Variants in BIRC2 observed in about 807,000 individuals in gnomAD.
The protein encoded by BIRC2 is baculoviral IAP repeat-containing protein 2.
BIRC2 carries 18 observed loss-of-function variants against 60.9 expected under a neutral mutation model. The ratio of observed to expected loss-of-function variants is 0.30; its 90% CI spans 0.20 to 0.44. The LOEUF (loss-of-function observed/expected upper bound fraction) is 0.44, where lower values mean the gene tolerates loss of function less well. BIRC2 is among the 20% of genes least tolerant of loss of function. The pLI is 1.00. For synonymous variants in BIRC2, 282 were observed against 247.7 expected (o/e 1.14, Z -1.30); for missense variants, 701 against 728.5 (o/e 0.96, Z 0.43).
In BIRC2 at chr11:102,351,614, C is replaced by CAAA. The variant is rs768269523; in HGVS notation, c.995+692_995+694dup. ...TGGGTAACAGAGCAAGACTCTGTCT[C>CAAA]AAAAAAAAAAAAAAAAAAAAAAAGA... On this transcript the variant is annotated intron_variant, in intron 3 of 8. Coordinates refer to ENST00000227758, the MANE Select transcript of BIRC2 (RefSeq NM_001166.5). 9.2e-3 allele frequency among the ~76,000 whole-genome samples: 628 copies of CAAA among 68,004 alleles called. 27 individuals are homozygous for CAAA. The highest frequency in any genetic ancestry group is 0.019 in the African/African-American group (313 of 16,390). 44.6% of individuals were successfully genotyped at this position (68,004 alleles called of 152,430 possible).
intron 6 of BIRC2, 60 bp downstream of exon 6, chr11:102,368,608 CAT>C (rs1951580746): frequency 1.3e-6 from 2 of 1,576,004 alleles, no homozygotes; most frequent in Admixed American, 1.8e-5. Context: ...GACTGTCTCA[CAT>C]GTTACAGGAC....
chr11:102,374,730 T>G (rs141412383), intron 6 of BIRC2, among the ~76,000 whole-genome samples: 5,136 of 152,150 alleles, frequency 0.034, 102 homozygotes, highest in Middle Eastern at 0.044. Flanking sequence ...GTTTACCTAA[T>G]CAAGCCTGGG....
At position 102,350,197 on chromosome 11, in the gene BIRC2, A is replaced by C. The variant is rs753163261; in HGVS notation, c.343A>C (p.Asn115His). 1 of 1,614,194 alleles carries C rather than the reference A, an allele frequency of 6.2e-7. No homozygotes were observed. The highest frequency in any genetic ancestry group is 8.5e-7 in the Non-Finnish European group (1 of 1,180,044). The change falls in exon 2 of 9, where the codon AAT becomes CAT. Residue 115 changes from asparagine to histidine, a missense_variant. Asn to His is a moderately conservative substitution (Grantham distance 68). Transcript: ENST00000227758. The stretch of plus-strand genomic sequence containing the variant: ...ATATCCTAGCTGTAGCTTTATTCAG[A>C]ATCTGGTTTCAGCTAGTCTGGGATC... ...QLYPSCSFIQ[N>H]LVSASLGSTS...
intron 6 of BIRC2, among the ~76,000 whole-genome samples, chr11:102,373,320 C>T (rs1052347903): frequency 2.6e-5 from 4 of 152,122 alleles, no homozygotes; most frequent in African/African-American, 9.7e-5. Context: ...TGTTCCTTTC[C>T]ATGTTTAGTG....
intron 5 of BIRC2, among the ~76,000 whole-genome samples, chr11:102,367,099 AG>A (rs1263425731): frequency 1.3e-5 from 2 of 152,264 alleles, no homozygotes; most frequent in Non-Finnish European, 2.9e-5. Flanking sequence ...CATAAGGGAA[AG>A]AAAACTAAAT....
At chr11:102,367,612 A>G (rs1385669508) in intron 5 of BIRC2, among the ~76,000 whole-genome samples, 1 of 152,174 alleles carries the variant, frequency 6.6e-6, no homozygotes, top group Non-Finnish European at 1.5e-5. Flanking sequence ...ATTGACTCTT[A>G]GCAGAAAATG....
intron 6 of BIRC2, among the ~76,000 whole-genome samples, chr11:102,372,589 A>G (rs1468320197): frequency 4.0e-5 from 6 of 148,332 alleles, no homozygotes; most frequent in South Asian, 2.2e-4. Context: ...ACTTCCAACT[A>G]TGTGGTCAAT....
rs964009461 is a variant in BIRC2, at chr11:102,349,677, G to T, written c.-178G>T. 37 of 635,134 alleles carry T rather than the reference G, an allele frequency of 5.8e-5. No individual in the cohort carries two copies. In the African/African-American group the frequency reaches 6.4e-4, roughly 11 times the overall value. The allele number at this position is 635,134 out of a possible 1,614,324, so 39.3% of individuals were successfully genotyped here. ...GAGTTGTGTTCTAAGTAGTATCTTGGTAATTCAGAGAGATACTCATCCTAC... is the reference window on the plus strand; with the variant it reads ...GAGTTGTGTTCTAAGTAGTATCTTGTTAATTCAGAGAGATACTCATCCTAC... On this transcript the variant is annotated 5_prime_UTR_variant, in exon 2 of 9. Coordinates refer to ENST00000227758, the MANE Select transcript of BIRC2 (RefSeq NM_001166.5).
chr11:102,375,767 C>G (rs558269908), intron 6 of BIRC2, among the ~76,000 whole-genome samples: 1 of 144,054 alleles, frequency 6.9e-6, no homozygotes, highest in African/African-American at 2.6e-5. Flanking sequence ...GTGACAGAGC[C>G]AGACTCCATC....
chr11:102,369,661 G>A (rs1232338210), intron 6 of BIRC2, among the ~76,000 whole-genome samples: 1 of 146,544 alleles, frequency 6.8e-6, no homozygotes, highest in Non-Finnish European at 1.5e-5. Context: ...ATGATTTATA[G>A]TCATTTGGGT....
At chr11:102,369,511 T>C (rs1951598911) in intron 6 of BIRC2, among the ~76,000 whole-genome samples, 1 of 150,592 alleles carries the variant, frequency 6.6e-6, no homozygotes, top group East Asian at 1.9e-4. Context: ...TTTTTATGGC[T>C]GCATAGTATT....
intron 6 of BIRC2, among the ~76,000 whole-genome samples, chr11:102,369,482 A>G (rs1349960959): frequency 6.6e-6 from 1 of 151,432 alleles, no homozygotes; most frequent in East Asian, 1.9e-4. Flanking sequence ...TGTCCCTACA[A>G]AGGACACGAA....
intron 3 of BIRC2, among the ~76,000 whole-genome samples, chr11:102,352,662 C>A (rs1951377275): frequency 6.6e-6 from 1 of 152,010 alleles, no homozygotes; most frequent in Admixed American, 6.6e-5. Flanking sequence ...AACTCCTGAG[C>A]TCAAGTGATC....
chr11:102,370,390 C>G (rs1405889692), intron 6 of BIRC2, among the ~76,000 whole-genome samples: 1 of 122,026 alleles, frequency 8.2e-6, no homozygotes, highest in East Asian at 2.5e-4. Context: ...ATATGGCTAG[C>G]CAGTTTTCCC....
At chr11:102,370,117 C>T (rs1390372860) in intron 6 of BIRC2, among the ~76,000 whole-genome samples, 7 of 149,854 alleles carry the variant, frequency 4.7e-5, no homozygotes, top group Admixed American at 4.6e-4. Context: ...TTGTAGGTTG[C>T]CTGTTCACTC....
At chr11:102,375,882 A>G (rs1198701350) in intron 6 of BIRC2, among the ~76,000 whole-genome samples, 1 of 151,998 alleles carries the variant, frequency 6.6e-6, no homozygotes, top group Non-Finnish European at 1.5e-5. Context: ...TAATAATAGT[A>G]TGACTCCCAT....
At chr11:102,363,607 G>C in intron 4 of BIRC2, 61 bp from the exon 5 acceptor site, 2 of 1,313,912 alleles carry the variant, frequency 1.5e-6, no homozygotes, top group Non-Finnish European at 2.2e-6. Context: ...TTTTAGTGTT[G>C]TTCTTTTCAG....
Position 102,349,520 on chromosome 11 carries a change from ATC to A in BIRC2, c.-331_-330del, listed in dbSNP as rs555598099. On this transcript the variant is annotated 5_prime_UTR_variant, in exon 2 of 9. Coordinates refer to ENST00000227758, the MANE Select transcript of BIRC2 (RefSeq NM_001166.5). The stretch of plus-strand genomic sequence containing the variant: ...GTTGCTTAGAATTTTGTTAATATAA[ATC>A]TCTGTGAAAAATCAAGGAGTTTTAA... 113 of 180,284 alleles carry A rather than the reference ATC, an allele frequency of 6.3e-4. No individual in the cohort carries two copies. Among genetic ancestry groups the A allele is most frequent in the African/African-American group, 2.5e-3 (106 of 42,428 alleles). The allele number at this position is 180,284 out of a possible 1,614,324, so 11.2% of individuals were successfully genotyped here.
rs146787390 is a variant in BIRC2 at position 102,350,712 on chromosome 11, G to A, written c.858G>A (p.Gln286=). ...ACTGGCCATCTAGTGTTCCAGTTCA[G>A]CCTGAGCAGCTTGCAAGTGCTGGTT... ...FMYWPSSVPV[Q]PEQLASAGFY... is the part of the protein sequence containing the mutation. The change falls in exon 2 of 9, where the codon CAG becomes CAA. Residue 286 remains glutamine, a synonymous_variant. Coordinates refer to ENST00000227758, the MANE Select transcript of BIRC2 (RefSeq NM_001166.5). 662 of 1,609,704 alleles carry A rather than the reference G, an allele frequency of 4.1e-4. No homozygotes were observed. The highest frequency in any genetic ancestry group is 5.2e-4 in the Non-Finnish European group (613 of 1,177,918).
Sources: gnomAD v4.1 joint callset for allele counts (sites outside exome capture counted in the v4.1 genomes callset) on GRCh38, gnomAD v4.1.1 for gene constraint, MANE v1.5 for transcripts, NCBI Gene and HGNC (gene_info 2026-07-23, HGNC 2026-07-21) for gene names.